Variants in DENND6A observed in about 807,000 individuals in gnomAD.
DENND6A encodes the protein DENN domain containing 6A.
Under a neutral mutation model 95.5 loss-of-function variants are expected in DENND6A, and 43 were observed. The observed-to-expected ratio is 0.45, with a 90% CI of 0.35 to 0.58. The LOEUF is 0.58. DENND6A is among the 20% of genes least tolerant of loss of function. DENND6A has a pLI of 0.00. For missense variants in DENND6A, 574 were observed against 736.0 expected, an observed-to-expected ratio of 0.78 and a Z score of 2.55; for synonymous variants, 257 against 260.4, an observed-to-expected ratio of 0.99 and a Z score of 0.13.
At chr3:57,654,807 G>T in intron 9 of DENND6A, 5 of 980,974 alleles carry the variant, frequency 5.1e-6, no homozygotes, top group Non-Finnish European at 6.1e-6. Flanking sequence ...TCTTTACTTT[G>T]CTTTCAAGCT....
intron 8 of DENND6A, 64 bp from the exon 9 acceptor site, chr3:57,657,799 T>C: frequency 2.0e-6 from 2 of 1,017,048 alleles, no homozygotes; most frequent in South Asian, 1.5e-5. Flanking sequence ...TTTTAAAATA[T>C]ATCTATCTCA....
At position 57,682,351 on chromosome 3, in the gene DENND6A, T is replaced by C. The variant is rs1348410992; in HGVS notation, c.238-9913A>G. Reference sequence around the variant, plus strand: ...TTCTCACTGCTTTACACACTGCTTTTTTCCTTAAGATCTTGAAGATCATAG... The same window carrying C: ...TTCTCACTGCTTTACACACTGCTTTCTTCCTTAAGATCTTGAAGATCATAG... On this transcript the variant is annotated intron_variant, in intron 1 of 19. Transcript: ENST00000311128. Among the ~76,000 whole-genome samples, 3 of 151,924 alleles carry C rather than the reference T, an allele frequency of 2.0e-5. No individual in the cohort carries two copies. In the East Asian group the frequency reaches 5.8e-4, roughly 29 times the overall value.
chr3:57,647,737 T>C (rs1304223566), intron 9 of DENND6A, among the ~76,000 whole-genome samples: 1 of 151,704 alleles, frequency 6.6e-6, no homozygotes, highest in Non-Finnish European at 1.5e-5. Context: ...AGAGCACTCA[T>C]GTGAGGCTTG....
At chr3:57,629,453 T>C (rs2070610498) in intron 18 of DENND6A, among the ~76,000 whole-genome samples, 1 of 150,926 alleles carries the variant, frequency 6.6e-6, no homozygotes, top group Non-Finnish European at 1.5e-5. Flanking sequence ...TTTTCACAAG[T>C]AGTTTAATTT....
At position 57,628,159 on chromosome 3, in the gene DENND6A, T is replaced by C. The variant is rs2070573161; in HGVS notation, c.*55A>G. The C allele has an allele frequency of 1.3e-6, 2 of 1,575,678 alleles. No individual in the cohort carries two copies. Among genetic ancestry groups the C allele is most frequent in the East Asian group, 2.3e-5 (1 of 44,412 alleles). On this transcript the variant is annotated 3_prime_UTR_variant, in exon 20 of 20. Coordinates refer to ENST00000311128, the MANE Select transcript of DENND6A (RefSeq NM_152678.3). Reference sequence around the variant, plus strand: ...ATCTCCTTTGTGCGTCTGGTTGAAATGTCAGTATGCTTCATGATGCATAAT... The same window carrying C: ...ATCTCCTTTGTGCGTCTGGTTGAAACGTCAGTATGCTTCATGATGCATAAT...
chr3:57,675,792 A>G (rs1220543868), intron 1 of DENND6A, among the ~76,000 whole-genome samples: 2 of 152,210 alleles, frequency 1.3e-5, no homozygotes, highest in African/African-American at 2.4e-5. Context: ...AACATTTATC[A>G]AAGTGACAAA....
intron 11 of DENND6A, among the ~76,000 whole-genome samples, chr3:57,644,213 C>T (rs1322072155): frequency 2.0e-5 from 3 of 151,010 alleles, no homozygotes; most frequent in East Asian, 3.9e-4. Flanking sequence ...CTAGCGAACA[C>T]CAACATTTAA....
intron 18 of DENND6A, among the ~76,000 whole-genome samples, chr3:57,629,466 A>C (rs1363827891): frequency 6.6e-6 from 1 of 151,892 alleles, no homozygotes; most frequent in Non-Finnish European, 1.5e-5. Context: ...TTTAATTTAA[A>C]ATAGGCTGGT....
chr3:57,632,923 C>G (rs1419429269), intron 15 of DENND6A, among the ~76,000 whole-genome samples: 2 of 152,188 alleles, frequency 1.3e-5, no homozygotes, highest in Non-Finnish European at 2.9e-5. Context: ...CTACTATAAT[C>G]TTCTTTTAAG....
chr3:57,644,307 CA>C (rs1383571504), intron 11 of DENND6A, among the ~76,000 whole-genome samples: 1 of 151,766 alleles, frequency 6.6e-6, no homozygotes, highest in Non-Finnish European at 1.5e-5. Flanking sequence ...TAGAGATTTA[CA>C]AAAAAATTTT....
At chr3:57,652,141 C>T (rs774931104) in intron 9 of DENND6A, among the ~76,000 whole-genome samples, 4 of 152,206 alleles carry the variant, frequency 2.6e-5, no homozygotes, top group Admixed American at 6.5e-5. Flanking sequence ...TTCTTGAGCG[C>T]GGACTGGATT....
Position 57,628,347 on chromosome 3 carries a change from T to C in DENND6A, c.1696-2A>G. 6.2e-7 allele frequency: 1 copy of C among 1,612,868 alleles called. No homozygotes were observed. Among genetic ancestry groups the C allele is most frequent in the Non-Finnish European group, 8.5e-7 (1 of 1,179,626 alleles). On this transcript the variant is annotated splice_acceptor_variant, in intron 19 of 19. Coordinates refer to ENST00000311128, the MANE Select transcript of DENND6A (RefSeq NM_152678.3). LOFTEE classifies it high-confidence loss of function. Reference sequence around the variant, plus strand: ...TAAGTGCTCTCGATCAGCCTGCAACTACATAAGGAACATTTCATAACATTT... The same window carrying C: ...TAAGTGCTCTCGATCAGCCTGCAACCACATAAGGAACATTTCATAACATTT...
At chr3:57,657,625 A>ACAC in intron 9 of DENND6A, 55 bp downstream of exon 9, 7 of 1,160,402 alleles carry the variant, frequency 6.0e-6, no homozygotes, top group South Asian at 4.2e-5. Context: ...AAATAAATTA[A>ACAC]CACCACCACC....
chr3:57,655,861 C>A (rs2071314561), intron 9 of DENND6A, among the ~76,000 whole-genome samples: 1 of 152,184 alleles, frequency 6.6e-6, no homozygotes, highest in Non-Finnish European at 1.5e-5. Context: ...GCGTAAGACT[C>A]ATACCCAGAA....
chr3:57,669,365 A>G (rs1280166744), intron 3 of DENND6A, among the ~76,000 whole-genome samples: 1 of 152,100 alleles, frequency 6.6e-6, no homozygotes, highest in Admixed American at 6.6e-5. Context: ...TTCAAGTCAC[A>G]AGAACCACAC....
At chr3:57,673,771 T>C (rs1283423376) in intron 1 of DENND6A, among the ~76,000 whole-genome samples, 2 of 151,986 alleles carry the variant, frequency 1.3e-5, no homozygotes, top group Admixed American at 6.6e-5. Flanking sequence ...TGAGAAGGAG[T>C]TTCACTCTTG....
At chr3:57,675,861 T>C (rs2071700081) in intron 1 of DENND6A, among the ~76,000 whole-genome samples, 1 of 152,220 alleles carries the variant, frequency 6.6e-6, no homozygotes, top group Non-Finnish European at 1.5e-5. Context: ...ACAGAAGGCA[T>C]CTTGTGTGCA....
intron 1 of DENND6A, among the ~76,000 whole-genome samples, chr3:57,684,320 G>A (rs1220090980): frequency 6.6e-6 from 1 of 151,580 alleles, no homozygotes; most frequent in Non-Finnish European, 1.5e-5. Context: ...AAAATTAGCT[G>A]GGTGCGGTGG....
chr3:57,631,947 C>A (rs1384853165), intron 15 of DENND6A, among the ~76,000 whole-genome samples: 2 of 148,578 alleles, frequency 1.3e-5, no homozygotes, highest in Non-Finnish European at 3.0e-5. Context: ...TGGTCTTGAT[C>A]TCCTGACCTC....
Sources: gnomAD v4.1 joint callset for allele counts (sites outside exome capture counted in the v4.1 genomes callset) on GRCh38, gnomAD v4.1.1 for gene constraint, MANE v1.5 for transcripts, NCBI Gene and HGNC (gene_info 2026-07-23, HGNC 2026-07-21) for gene names.